The following DEUP1 variants were observed in gnomAD, a reference collection of about 807,000 sequenced individuals.
The protein encoded by DEUP1 is coiled-coil domain containing 67.
DEUP1 carries 82 observed loss-of-function variants against 87.4 expected under a neutral mutation model. The observed-to-expected ratio is 0.94, with a 90% CI of 0.78 to 1.13. DEUP1 has a LOEUF of 1.13. Ranked by LOEUF, DEUP1 falls within the 50% of genes most tolerant of loss-of-function variation. DEUP1 has a pLI of 0.00. For synonymous variants in DEUP1, 214 were observed against 222.7 expected (o/e 0.96, Z 0.35); for missense variants, 663 against 681.5 (o/e 0.97, Z 0.30).
chr11:93,404,612 GA>G (rs1332652872), intron 11 of DEUP1, among the ~76,000 whole-genome samples: 1 of 151,968 alleles, frequency 6.6e-6, no homozygotes, highest in East Asian at 1.9e-4. Context: ...TGCATAAGAA[GA>G]AAAACCATAC....
intron 5 of DEUP1, among the ~76,000 whole-genome samples, chr11:93,366,221 A>G (rs1945408766): frequency 6.6e-6 from 1 of 152,186 alleles, no homozygotes; most frequent in Non-Finnish European, 1.5e-5. Context: ...TGGTAGTTAA[A>G]CTGGGTGAAG....
At chr11:93,415,313 G>A in intron 13 of DEUP1, 199 bp downstream of exon 13, 1 of 316,156 alleles carries the variant, frequency 3.2e-6, no homozygotes, top group South Asian at 6.6e-5. Flanking sequence ...TTCCTAAAGT[G>A]TTTCAGTCAA....
At chr11:93,392,682 G>C (rs1946801690) in intron 9 of DEUP1, among the ~76,000 whole-genome samples, 1 of 150,574 alleles carries the variant, frequency 6.6e-6, no homozygotes, top group Admixed American at 6.6e-5. Context: ...AAAAAAAAGA[G>C]AGAGCCTTGT....
At chr11:93,418,287 C>G (rs1454081396) in intron 13 of DEUP1, among the ~76,000 whole-genome samples, 1 of 152,018 alleles carries the variant, frequency 6.6e-6, no homozygotes, top group Non-Finnish European at 1.5e-5. Context: ...ACTCATCTGA[C>G]AAAGGGCTAA....
At chr11:93,398,789 T>C (rs1490115309) in intron 11 of DEUP1, among the ~76,000 whole-genome samples, 1 of 151,500 alleles carries the variant, frequency 6.6e-6, no homozygotes. Context: ...GGCATGATCT[T>C]GGCTCACTGC....
At chr11:93,399,551 G>C (rs1450305331) in intron 11 of DEUP1, among the ~76,000 whole-genome samples, 1 of 151,270 alleles carries the variant, frequency 6.6e-6, no homozygotes, top group Non-Finnish European at 1.5e-5. Flanking sequence ...TTAAGGATGA[G>C]TTTGCTGTTA....
chr11:93,376,621 T>C (rs1199348301), intron 7 of DEUP1, among the ~76,000 whole-genome samples: 3 of 152,184 alleles, frequency 2.0e-5, no homozygotes, highest in African/African-American at 7.2e-5. Context: ...TTTCATTTAG[T>C]TCTGCTCTGA....
intron 13 of DEUP1, among the ~76,000 whole-genome samples, chr11:93,419,048 G>T (rs1229227130): frequency 6.6e-6 from 1 of 150,664 alleles, no homozygotes. Flanking sequence ...GGCGGGAGGG[G>T]GGAGGGATAG....
chr11:93,355,507 A>AAT lies in DEUP1; in HGVS notation c.167_168dup (p.Ala57MetfsTer13), dbSNP rs762993490. The AAT allele has an allele frequency of 3.1e-6, 5 of 1,613,718 alleles. No individual in the cohort carries two copies. The highest frequency in any genetic ancestry group is 1.3e-5 in the African/African-American group (1 of 74,936). ...AGATCTTCGGGATCAAGAATTGGCA[A>AAT]ATGCACAAACTTGTTTGGATCAGAA... On this transcript the variant is annotated frameshift_variant, in exon 3 of 14. Coordinates refer to ENST00000298050, the MANE Select transcript of DEUP1 (RefSeq NM_181645.4). LOFTEE classifies it high-confidence loss of function.
intron 4 of DEUP1, among the ~76,000 whole-genome samples, chr11:93,362,952 A>G (rs1342425050): frequency 2.0e-5 from 3 of 151,904 alleles, no homozygotes; most frequent in East Asian, 3.8e-4. Context: ...GATAAAGTAG[A>G]CACCATTGTT....
chr11:93,380,273 T>C (rs1411696653), intron 7 of DEUP1, among the ~76,000 whole-genome samples: 1 of 152,230 alleles, frequency 6.6e-6, no homozygotes, highest in Non-Finnish European at 1.5e-5. Flanking sequence ...CTAACTTCAT[T>C]TTGTGATGTT....
intron 2 of DEUP1, among the ~76,000 whole-genome samples, chr11:93,335,448 G>A (rs971325774): frequency 6.6e-6 from 1 of 152,130 alleles, no homozygotes; most frequent in Non-Finnish European, 1.5e-5. Flanking sequence ...TGTTTTTCAA[G>A]TACAGTTACA....
intron 2 of DEUP1, among the ~76,000 whole-genome samples, chr11:93,355,112 T>G (rs546997322): frequency 6.6e-6 from 1 of 152,198 alleles, no homozygotes; most frequent in South Asian, 2.1e-4. Flanking sequence ...TCTTATAATT[T>G]TTCCTAATTA....
At chr11:93,375,617 C>T (rs1261059937) in intron 7 of DEUP1, among the ~76,000 whole-genome samples, 4 of 152,214 alleles carry the variant, frequency 2.6e-5, no homozygotes, top group Admixed American at 2.6e-4. Flanking sequence ...ACCATCCCTG[C>T]ATCCCTCATT....
chr11:93,437,778 G>A lies in DEUP1; in HGVS notation c.*59G>A. The stretch of plus-strand genomic sequence containing the variant: ...ACCCCCGCCAAGAAAAAAAGCTCTG[G>A]CAAAATATTTACAAAGCTGATTAAT... On this transcript the variant is annotated 3_prime_UTR_variant, in exon 14 of 14. Coordinates refer to ENST00000298050, the MANE Select transcript of DEUP1 (RefSeq NM_181645.4). 2.3e-6 allele frequency: 2 copies of A among 875,082 alleles called. No individual in the cohort carries two copies. Among genetic ancestry groups the A allele is most frequent in the Admixed American group, 4.9e-5 (2 of 40,634 alleles). 54.2% of individuals were successfully genotyped at this position (875,082 alleles called of 1,614,324 possible).
intron 12 of DEUP1, among the ~76,000 whole-genome samples, chr11:93,414,357 C>T (rs1947538590): frequency 6.6e-6 from 1 of 152,032 alleles, no homozygotes; most frequent in Non-Finnish European, 1.5e-5. Context: ...ACTAAAAATA[C>T]AGAAAATTAC....
intron 4 of DEUP1, 133 bp from the exon 5 acceptor site, chr11:93,364,027 G>T (rs1945298576): frequency 1.5e-6 from 1 of 647,174 alleles, no homozygotes; most frequent in Admixed American, 3.1e-5. Context: ...TTCACTAATT[G>T]AAACATTTAA....
chr11:93,360,589 A>G (rs982854578), intron 4 of DEUP1, among the ~76,000 whole-genome samples: 29 of 152,318 alleles, frequency 1.9e-4, no homozygotes, highest in African/African-American at 5.5e-4. Context: ...GCTTTAGCAA[A>G]TAAATAATAT....
chr11:93,362,082 T>A (rs896708069), intron 4 of DEUP1, among the ~76,000 whole-genome samples: 19 of 151,892 alleles, frequency 1.3e-4, no homozygotes, highest in African/African-American at 3.6e-4. Flanking sequence ...GGATCAAAGA[T>A]CCAAATGTAA....
Sources: allele counts gnomAD v4.1 joint callset (sites outside exome capture counted in the v4.1 genomes callset), GRCh38; gene constraint gnomAD v4.1.1; transcripts MANE v1.5; gene names NCBI Gene and HGNC (gene_info 2026-07-23, HGNC 2026-07-21).